Variants in AGBL4 observed in about 807,000 individuals in gnomAD.
AGBL4 encodes the protein AGBL carboxypeptidase 4.
A neutral mutation model predicts 66.4 loss-of-function variants in AGBL4; 58 were observed. The ratio of observed to expected loss-of-function variants is 0.87; its 90% CI spans 0.71 to 1.09. The LOEUF (loss-of-function observed/expected upper bound fraction) is 1.09. AGBL4 is among the 50% of genes least tolerant of loss of function. The pLI is 0.00. For synonymous variants in AGBL4, 234 were observed against 222.9 expected (o/e 1.05, Z -0.44); for missense variants, 579 against 631.0 (o/e 0.92, Z 0.88).
chr1:49,769,216 C>CCA (rs111502919), intron 2 of AGBL4, among the ~76,000 whole-genome samples: 7,444 of 147,808 alleles, frequency 0.05, 214 homozygotes, highest in Non-Finnish European at 0.073. Flanking sequence ...TTTGTAATAG[C>CCA]CACACACACA....
chr1:49,029,136 C>T (rs1443443057), intron 5 of AGBL4, among the ~76,000 whole-genome samples: 2 of 152,074 alleles, frequency 1.3e-5, no homozygotes, highest in East Asian at 3.9e-4. Flanking sequence ...GGATGCTTTA[C>T]CTCTAAGATA....
intron 3 of AGBL4, among the ~76,000 whole-genome samples, chr1:49,416,155 G>A (rs182009997): frequency 9.9e-5 from 15 of 152,006 alleles, no homozygotes; most frequent in Admixed American, 5.9e-4. Context: ...CAAAAGAACC[G>A]GTACATTTTG....
At chr1:49,355,085 G>A (rs543842422) in intron 3 of AGBL4, among the ~76,000 whole-genome samples, 3 of 152,286 alleles carry the variant, frequency 2.0e-5, no homozygotes, top group Admixed American at 6.5e-5. Context: ...GACACGGGGA[G>A]AAAATGCAAA....
At chr1:49,041,507 T>A (rs1236372783) in intron 5 of AGBL4, among the ~76,000 whole-genome samples, 1 of 152,092 alleles carries the variant, frequency 6.6e-6, no homozygotes, top group African/African-American at 2.4e-5. Context: ...AAAAATCTTT[T>A]TGGGTGTTAA....
intron 5 of AGBL4, among the ~76,000 whole-genome samples, chr1:48,909,871 T>C (rs1283302478): frequency 6.6e-6 from 1 of 152,246 alleles, no homozygotes; most frequent in Non-Finnish European, 1.5e-5. Context: ...TTTATGTTTA[T>C]GTTTCCTATA....
At position 50,023,762 on chromosome 1, in the gene AGBL4, C is replaced by T. The variant is rs756544398; in HGVS notation, c.34+1G>A. ...TCCCCAGATCGGCCGCCCCCACAGA[C>T]CTGCCTCAGGCGCCGACTGGCTCCC... On this transcript the variant is annotated splice_donor_variant, in intron 1 of 13. Coordinates refer to ENST00000371839, the MANE Select transcript of AGBL4 (RefSeq NM_032785.4). LOFTEE classifies it high-confidence loss of function. 6.5e-7 allele frequency: 1 copy of T among 1,549,564 alleles called. No homozygotes were observed.
At chr1:49,509,566 T>C (rs1391830483) in intron 3 of AGBL4, among the ~76,000 whole-genome samples, 1 of 151,922 alleles carries the variant, frequency 6.6e-6, no homozygotes, top group East Asian at 1.9e-4. Flanking sequence ...GGGAGGCCTC[T>C]AAATACCAAG....
chr1:49,642,415 T>C (rs1645800526), intron 3 of AGBL4, among the ~76,000 whole-genome samples: 1 of 151,982 alleles, frequency 6.6e-6, no homozygotes, highest in African/African-American at 2.4e-5. Flanking sequence ...AGGAAGATCC[T>C]TGCTGTCTCC....
intron 2 of AGBL4, among the ~76,000 whole-genome samples, chr1:49,826,572 A>C (rs1402447487): frequency 6.6e-6 from 1 of 152,242 alleles, no homozygotes; most frequent in African/African-American, 2.4e-5. Context: ...CTCCTCTTAC[A>C]TAATAACTGT....
At chr1:48,791,168 C>T (rs193287702) in intron 6 of AGBL4, among the ~76,000 whole-genome samples, 210 of 152,324 alleles carry the variant, frequency 1.4e-3, no homozygotes, top group African/African-American at 4.8e-3. Context: ...TGGGCCTTAT[C>T]GCTGTCCTCC....
At chr1:49,453,772 T>G (rs1400731113) in intron 3 of AGBL4, among the ~76,000 whole-genome samples, 2 of 151,750 alleles carry the variant, frequency 1.3e-5, no homozygotes, top group Non-Finnish European at 2.9e-5. Context: ...AATATTAAAC[T>G]CAGAGCCGTG....
chr1:48,776,926 T>A, intron 6 of AGBL4: 1 of 278,442 alleles, frequency 3.6e-6, no homozygotes. Flanking sequence ...CTCGCTACGG[T>A]GCTGGGGGGG....
chr1:49,562,036 A>C (rs919903706), intron 3 of AGBL4, among the ~76,000 whole-genome samples: 5 of 151,932 alleles, frequency 3.3e-5, no homozygotes, highest in African/African-American at 1.2e-4. Flanking sequence ...TGTGGTTTTG[A>C]TTTGCATTTC....
intron 3 of AGBL4, among the ~76,000 whole-genome samples, chr1:49,551,521 T>C (rs1652953900): frequency 6.6e-6 from 1 of 152,172 alleles, no homozygotes; most frequent in Non-Finnish European, 1.5e-5. Flanking sequence ...CCTTTTCCTG[T>C]GGATGTTGTT....
At chr1:48,998,589 G>A (rs1661181863) in intron 5 of AGBL4, among the ~76,000 whole-genome samples, 1 of 152,176 alleles carries the variant, frequency 6.6e-6, no homozygotes, top group Admixed American at 6.5e-5. Flanking sequence ...GGCTTTCTTT[G>A]TGAACTCTCT....
At chr1:48,637,745 C>T (rs1418094379) in intron 8 of AGBL4, among the ~76,000 whole-genome samples, 5 of 152,296 alleles carry the variant, frequency 3.3e-5, no homozygotes, top group South Asian at 4.1e-4. Context: ...TAAGCCCCTT[C>T]GTATAAATTC....
Position 48,893,660 on chromosome 1 carries a change from G to A in AGBL4, c.595-26430C>T, listed in dbSNP as rs1651210788. On this transcript the variant is annotated intron_variant, in intron 5 of 13. Transcript: ENST00000371839. ...AGATGGCGCCACTGCACTCCAGCCT[G>A]GGCAACAGAGTGAGACTCTGTCTCA... 2.0e-5 allele frequency among the ~76,000 whole-genome samples: 3 copies of A among 151,308 alleles called. No homozygotes were observed. The South Asian group carries it at 6.3e-4, about 32-fold the overall frequency.
chr1:49,995,235 G>A (rs747659613), intron 1 of AGBL4: 2 of 455,982 alleles, frequency 4.4e-6, no homozygotes, highest in African/African-American at 2.0e-5. Context: ...TTTCTCAGTG[G>A]AGAGGCTTGG....
intron 3 of AGBL4, among the ~76,000 whole-genome samples, chr1:49,549,256 TC>T (rs746293727): frequency 6.6e-6 from 1 of 151,810 alleles, no homozygotes; most frequent in Non-Finnish European, 1.5e-5. Context: ...TATCTTTGTA[TC>T]TTTTTTTTTT....
Sources: gnomAD v4.1 joint callset for allele counts (sites outside exome capture counted in the v4.1 genomes callset) on GRCh38, gnomAD v4.1.1 for gene constraint, MANE v1.5 for transcripts, NCBI Gene and HGNC (gene_info 2026-07-23, HGNC 2026-07-21) for gene names.